Variants in COL14A1 observed in about 807,000 individuals in gnomAD.
The protein encoded by COL14A1 is collagen type XIV alpha 1 chain.
Under a neutral mutation model 230.3 loss-of-function variants are expected in COL14A1, and 136 were observed. The ratio of observed to expected loss-of-function variants is 0.59; its 90% CI spans 0.51 to 0.68. The LOEUF is 0.68. Ranked by LOEUF, COL14A1 falls within the 30% of genes least tolerant of loss-of-function variation. The probability of loss-of-function intolerance (pLI) is 0.00; values close to 1 mark genes in which losing one functional copy is unlikely to be tolerated. For synonymous variants in COL14A1, 792 were observed against 784.1 expected (o/e 1.01, Z -0.17); for missense variants, 1,976 against 2,215.8 (o/e 0.89, Z 2.17).
intron 26 of COL14A1, among the ~76,000 whole-genome samples, chr8:120,272,699 A>G (rs1385844566): frequency 6.6e-6 from 1 of 151,786 alleles, no homozygotes; most frequent in Non-Finnish European, 1.5e-5. Flanking sequence ...AAAAAGACAA[A>G]GAAAGTCATT....
At position 120,253,661 on chromosome 8, in the gene COL14A1, C is replaced by T. The variant is rs2198753; in HGVS notation, c.2753-1579C>T. Among the ~76,000 whole-genome samples, 1,134 of 152,240 alleles carry T rather than the reference C, an allele frequency of 7.4e-3. 10 individuals carry two copies. Among genetic ancestry groups the T allele is most frequent in the African/African-American group, 0.025 (1,033 of 41,540 alleles). On this transcript the variant is annotated intron_variant, in intron 22 of 47. Transcript: ENST00000297848. ...AATCAGGGCCGGGTGCAGTGGCTCA[C>T]GCCTGTAATCCCAGCACTTTGGGAG...
intron 42 of COL14A1, among the ~76,000 whole-genome samples, chr8:120,337,579 A>G (rs1822129534): frequency 6.6e-6 from 1 of 152,184 alleles, no homozygotes; most frequent in African/African-American, 2.4e-5. Flanking sequence ...GACATCTTTA[A>G]TATGTAGGAC....
At chr8:120,298,400 C>T (rs761652507) in intron 35 of COL14A1, among the ~76,000 whole-genome samples, 2 of 151,032 alleles carry the variant, frequency 1.3e-5, no homozygotes, top group South Asian at 2.1e-4. Context: ...TCTACATAAC[C>T]TATATGTGAT....
intron 45 of COL14A1, among the ~76,000 whole-genome samples, chr8:120,350,189 G>A (rs1822697536): frequency 6.6e-6 from 1 of 152,142 alleles, no homozygotes; most frequent in South Asian, 2.1e-4. Context: ...CAAATGCTGA[G>A]AGATTTTGTC....
chr8:120,299,176 A>G (rs957735128), intron 35 of COL14A1, among the ~76,000 whole-genome samples: 6 of 152,092 alleles, frequency 3.9e-5, no homozygotes, highest in African/African-American at 1.4e-4. Flanking sequence ...GAACTATATC[A>G]AGATGAGATT....
chr8:120,348,579 G>A (rs1446217445), intron 45 of COL14A1, among the ~76,000 whole-genome samples: 1 of 152,118 alleles, frequency 6.6e-6, no homozygotes, highest in African/African-American at 2.4e-5. Context: ...ATAGGGTATA[G>A]TGTATACTGC....
chr8:120,142,914 C>T (rs947143016), intron 1 of COL14A1, among the ~76,000 whole-genome samples: 2 of 152,078 alleles, frequency 1.3e-5, no homozygotes, highest in African/African-American at 4.8e-5. Flanking sequence ...TTTAGATATA[C>T]CATATTATTT....
intron 1 of COL14A1, among the ~76,000 whole-genome samples, chr8:120,141,065 A>G (rs961083099): frequency 1.3e-5 from 2 of 152,214 alleles, no homozygotes; most frequent in African/African-American, 2.4e-5. Flanking sequence ...AGTTTTAACA[A>G]ATTAGGTTTG....
chr8:120,357,543 G>A (rs893634208), intron 45 of COL14A1, among the ~76,000 whole-genome samples: 2 of 152,124 alleles, frequency 1.3e-5, no homozygotes, highest in African/African-American at 4.8e-5. Flanking sequence ...CACTCAAGTA[G>A]AGAGGAATTC....
intron 1 of COL14A1, among the ~76,000 whole-genome samples, chr8:120,140,205 C>A (rs114767419): frequency 0.01 from 1,589 of 152,296 alleles, 27 homozygotes; most frequent in African/African-American, 0.036. Flanking sequence ...TCTATTCATA[C>A]CACCACCTGT....
chr8:120,259,750 G>A (rs777329111), intron 23 of COL14A1, among the ~76,000 whole-genome samples: 1 of 152,182 alleles, frequency 6.6e-6, no homozygotes, highest in Non-Finnish European at 1.5e-5. Context: ...TGCATTTCTA[G>A]AATTGACTCC....
chr8:120,324,407 G>A (rs1337961198), intron 40 of COL14A1, among the ~76,000 whole-genome samples: 2 of 152,138 alleles, frequency 1.3e-5, no homozygotes. Context: ...TCCCGGATCT[G>A]TAGCCTGGGA....
chr8:120,272,486 A>G (rs1464454329), intron 26 of COL14A1, among the ~76,000 whole-genome samples: 5 of 151,684 alleles, frequency 3.3e-5, no homozygotes, highest in Admixed American at 3.3e-4. Flanking sequence ...CTCCACTTAA[A>G]AGATGCAGAT....
intron 40 of COL14A1, among the ~76,000 whole-genome samples, chr8:120,326,779 A>G (rs908719798): frequency 6.6e-6 from 1 of 152,200 alleles, no homozygotes; most frequent in African/African-American, 2.4e-5. Context: ...TAATCCCAGC[A>G]CTTTGGGAGG....
At chr8:120,256,219 C>T (rs1040124260) in intron 23 of COL14A1, among the ~76,000 whole-genome samples, 1 of 152,140 alleles carries the variant, frequency 6.6e-6, no homozygotes, top group Admixed American at 6.5e-5. Context: ...CCTGTTCTTT[C>T]TGGGCAAATG....
intron 4 of COL14A1, among the ~76,000 whole-genome samples, chr8:120,166,924 T>TGTGTGTGTGTGTGGG (rs1815915042): frequency 1.5e-5 from 1 of 68,682 alleles, no homozygotes; most frequent in Non-Finnish European, 3.3e-5. Context: ...GTGTGTGTGG[T>TGTGTGTGTGTGTGGG]GGTGATGATG....
Position 120,147,891 on chromosome 8 carries a change from T to C in COL14A1, c.49T>C (p.Leu17=). ...GCGGTACTGGTTGCTTCCACCTTTT[T>C]TGGCAATTGTTTATTTCTGCACCAT... The part of the protein sequence containing the change: ...KMRYWLLPPF[L]AIVYFCTIVQ... Residue 17 remains leucine, a synonymous_variant, in exon 2 of 48, where the codon TTG becomes CTG. Coordinates refer to ENST00000297848, the MANE Select transcript of COL14A1 (RefSeq NM_021110.4). 1 of 1,614,078 alleles carries C rather than the reference T, an allele frequency of 6.2e-7. No homozygotes were observed. Among genetic ancestry groups the C allele is most frequent in the Non-Finnish European group, 8.5e-7 (1 of 1,179,974 alleles).
intron 11 of COL14A1, 58 bp from the exon 12 acceptor site, chr8:120,209,698 A>T: frequency 1.3e-6 from 2 of 1,492,368 alleles, no homozygotes; most frequent in African/African-American, 1.4e-5. Flanking sequence ...TGATAATTTC[A>T]TTTTTCTCAA....
At chr8:120,336,658 G>A (rs895933105) in intron 42 of COL14A1, among the ~76,000 whole-genome samples, 5 of 152,188 alleles carry the variant, frequency 3.3e-5, no homozygotes, top group Non-Finnish European at 7.3e-5. Flanking sequence ...CAGTTGTTCA[G>A]CAGAGAGCTC....
Sources: gnomAD v4.1 joint callset for allele counts (sites outside exome capture counted in the v4.1 genomes callset) on GRCh38, gnomAD v4.1.1 for gene constraint, MANE v1.5 for transcripts, NCBI Gene and HGNC (gene_info 2026-07-23, HGNC 2026-07-21) for gene names.